FANCA: variants seen among roughly 807,000 people sequenced by gnomAD.
The protein encoded by FANCA is Fanconi anemia group A protein.
FANCA carries 236 observed loss-of-function variants against 194.3 expected under a neutral mutation model. That is an observed-to-expected ratio of 1.21 (90% CI 1.09 to 1.35). FANCA has a LOEUF of 1.35. Ranked by LOEUF, FANCA falls within the 40% of genes most tolerant of loss-of-function variation. FANCA has a pLI of 0.00. For synonymous variants in FANCA, 1,014 were observed against 715.8 expected, an observed-to-expected ratio of 1.42 and a Z score of -6.65; for missense variants, 2,628 against 1,813.9, an observed-to-expected ratio of 1.45 and a Z score of -8.15.
chr16:89,789,249 C>A (rs1406623632), intron 14 of FANCA, among the ~76,000 whole-genome samples: 1 of 151,328 alleles, frequency 6.6e-6, no homozygotes, highest in Non-Finnish European at 1.5e-5. Flanking sequence ...ACCACCTTCT[C>A]CCAACACAAG....
At chr16:89,784,333 T>C (rs924200102) in intron 15 of FANCA, among the ~76,000 whole-genome samples, 1 of 143,432 alleles carries the variant, frequency 7.0e-6, no homozygotes, top group African/African-American at 2.6e-5. Flanking sequence ...ATGGCAACAC[T>C]GCACTCTAGC....
chr16:89,782,939 G>A (rs1395610437), intron 16 of FANCA, 21 bp from the exon 17 acceptor site: 2 of 1,613,572 alleles, frequency 1.2e-6, no homozygotes, highest in African/African-American at 1.3e-5. Flanking sequence ...GACACAGAAT[G>A]AGAACAAGAA....
Position 89,748,673 on chromosome 16 carries a change from C to G in FANCA, c.3334G>C (p.Val1112Leu). 1 of 1,613,970 alleles carries G rather than the reference C, an allele frequency of 6.2e-7. No homozygotes were observed. The highest frequency in any genetic ancestry group is 8.5e-7 in the Non-Finnish European group (1 of 1,179,896). ...TARCEQFFHL[V>L]NSEMRNFCSH... The stretch of plus-strand genomic sequence containing the variant: ...GGGGCACCTACCATCTCAGAGTTGA[C>G]CAAGTGGAAGAACTGCTCGCATCTG... The change falls in exon 33 of 43, where the codon GTC becomes CTC. Residue 1112 changes from valine (V) to leucine (L), a missense_variant. By Grantham distance (32) the Val-to-Leu change is conservative. Coordinates refer to ENST00000389301, the MANE Select transcript of FANCA (RefSeq NM_000135.4).
At chr16:89,763,114 G>A (rs922524339) in intron 28 of FANCA, among the ~76,000 whole-genome samples, 5 of 151,844 alleles carry the variant, frequency 3.3e-5, no homozygotes, top group Non-Finnish European at 7.4e-5. Context: ...GGGCGCGGTG[G>A]CGTGCACCTG....
At chr16:89,798,451 G>A (rs767870465) in intron 10 of FANCA, 235 of 1,090,014 alleles carry the variant, frequency 2.2e-4, no homozygotes, top group Non-Finnish European at 2.5e-4. Context: ...TGTGAGGGAT[G>A]GGAAATGAGG....
In FANCA at chr16:89,777,195, C is replaced by G. The variant is rs558728338; in HGVS notation, c.1827-1380G>C. On this transcript the variant is annotated intron_variant, in intron 20 of 42. Transcript: ENST00000389301. ...CCTCTAGACCCTGCTACTTGGGAGG[C>G]GGAGGGGGAAGGATTGTTGAAGCCC... Among the ~76,000 whole-genome samples, 3 of 148,956 alleles carry G rather than the reference C, an allele frequency of 2.0e-5. No individual in the cohort carries two copies. In the South Asian group the frequency reaches 6.4e-4, roughly 32 times the overall value.
chr16:89,795,942 G>C lies in FANCA; in HGVS notation c.970C>G (p.Leu324Val), dbSNP rs1484944856. The C allele has an allele frequency of 2.5e-6, 4 of 1,614,062 alleles. No homozygotes were observed. Among genetic ancestry groups the C allele is most frequent in the Non-Finnish European group, 3.4e-6 (4 of 1,179,922 alleles). ...GGGCTGTGAGTGAGTATCTGAGTCA[G>C]GGTATGACTGAAGAACCTCTTCAGA... is the stretch of plus-strand genomic sequence containing the variant. The part of the protein sequence containing the change: ...DPLKRFFSHT[L>V]TQILTHSPVL... The change falls in exon 11 of 43, where the codon CTG (leucine) becomes GTG (valine). Residue 324 changes from leucine (L) to valine (V), a missense_variant. Leu to Val is a conservative substitution (Grantham distance 32). Transcript: ENST00000389301.
chr16:89,798,267 A>C lies in FANCA; in HGVS notation c.893+899T>G, dbSNP rs547614041. Reference sequence around the variant, plus strand: ...CCCTGACCTCCAACTTCCAGCCTCCACTGCTGTGAGAACACATCTGCCGTC... The same window carrying C: ...CCCTGACCTCCAACTTCCAGCCTCCCCTGCTGTGAGAACACATCTGCCGTC... On this transcript the variant is annotated intron_variant, in intron 10 of 42. Coordinates refer to ENST00000389301, the MANE Select transcript of FANCA (RefSeq NM_000135.4). 32 of 901,584 alleles carry C rather than the reference A, an allele frequency of 3.5e-5. No individual in the cohort carries two copies. In the African/African-American group the frequency reaches 5.2e-4, roughly 15 times the overall value. The allele number at this position is 901,584 out of a possible 1,614,324, so 55.8% of individuals were successfully genotyped here.
chr16:89,784,145 C>T (rs934336714), intron 15 of FANCA, among the ~76,000 whole-genome samples: 2 of 151,978 alleles, frequency 1.3e-5, no homozygotes, highest in African/African-American at 4.8e-5. Context: ...GCGGAAGGAT[C>T]ACTTGAGCTC....
intron 15 of FANCA, among the ~76,000 whole-genome samples, chr16:89,784,098 G>T (rs2039814594): frequency 6.6e-6 from 1 of 152,064 alleles, no homozygotes; most frequent in African/African-American, 2.4e-5. Context: ...GGGCACAGTG[G>T]CTCACACCTG....
rs762084649 is a variant in FANCA, at chr16:89,738,173, C to T, written c.*428G>A. 12 of 1,612,602 alleles carry T rather than the reference C, an allele frequency of 7.4e-6. No homozygotes were observed. The highest frequency in any genetic ancestry group is 6.7e-5 in the East Asian group (3 of 44,842). On this transcript the variant is annotated 3_prime_UTR_variant, in exon 43 of 43. Coordinates refer to ENST00000389301, the MANE Select transcript of FANCA (RefSeq NM_000135.4). ...CAGGACAAGGCCCTGCCCCTGGAGGCGGAACCACCACCTGGGCCACCGAGC... is the reference window on the plus strand; with the variant it reads ...CAGGACAAGGCCCTGCCCCTGGAGGTGGAACCACCACCTGGGCCACCGAGC...
chr16:89,767,570 G>A (rs1051661731), intron 26 of FANCA, among the ~76,000 whole-genome samples: 1 of 151,490 alleles, frequency 6.6e-6, no homozygotes, highest in Non-Finnish European at 1.5e-5. Flanking sequence ...TTTTTTTTGA[G>A]AGGGAGTCTT....
At chr16:89,808,461 C>T in intron 5 of FANCA, 94 bp from the exon 6 acceptor site, 1 of 1,292,658 alleles carries the variant, frequency 7.7e-7, no homozygotes. Flanking sequence ...AAATGTTCAA[C>T]TTAGGTTCTT....
chr16:89,795,025 C>T (rs1310385810), intron 11 of FANCA, among the ~76,000 whole-genome samples: 1 of 152,194 alleles, frequency 6.6e-6, no homozygotes, highest in Non-Finnish European at 1.5e-5. Flanking sequence ...CGGCACACGC[C>T]TGTAATCCCA....
At chr16:89,816,337 G>C in intron 1 of FANCA, 200 bp downstream of exon 1, 1 of 280,074 alleles carries the variant, frequency 3.6e-6, no homozygotes, top group Non-Finnish European at 6.5e-6. Flanking sequence ...GCGGCGGCTG[G>C]GGGCGTCCGC....
chr16:89,808,480 C>A lies in FANCA; in HGVS notation c.523-113G>T, dbSNP rs566196062. On this transcript the variant is annotated intron_variant, in intron 5 of 42. Transcript: ENST00000389301. ...GTTCAACTTAGGTTCTTAACCATGC[C>A]GTATTGAAAATTAACCTCAAGCAAA... 9 of 1,106,748 alleles carry A rather than the reference C, an allele frequency of 8.1e-6. No homozygotes were observed. The African/African-American group carries it at 9.5e-5, about 12-fold the overall frequency. 68.6% of individuals were successfully genotyped at this position (1,106,748 alleles called of 1,614,324 possible).
chr16:89,738,733 G>A (rs1276262157), intron 42 of FANCA, 25 bp from the exon 43 acceptor site: 1 of 1,613,094 alleles, frequency 6.2e-7, no homozygotes, highest in South Asian at 1.1e-5. Flanking sequence ...CAGGTCCTCA[G>A]CCCATGCCGC....
At chr16:89,778,586 C>A in intron 20 of FANCA, 1 of 543,262 alleles carries the variant, frequency 1.8e-6, no homozygotes, top group Non-Finnish European at 3.2e-6. Context: ...CAAGATCTCG[C>A]CTCTGCACTC....
chr16:89,750,316 C>T (rs1340153954), intron 31 of FANCA, among the ~76,000 whole-genome samples: 10 of 151,778 alleles, frequency 6.6e-5, no homozygotes, highest in Non-Finnish European at 1.5e-4. Flanking sequence ...CCTGTCGCTA[C>T]TAAAAAATAC....
Sources: allele counts gnomAD v4.1 joint callset (sites outside exome capture counted in the v4.1 genomes callset), GRCh38; gene constraint gnomAD v4.1.1; transcripts MANE v1.5; gene names NCBI Gene and HGNC (gene_info 2026-07-23, HGNC 2026-07-21).